RPTN: variants seen among roughly 807,000 people sequenced by gnomAD.
RPTN encodes repetin, also known as intermediate filament-associated protein.
A neutral mutation model predicts 3.6 loss-of-function variants in RPTN; 4 were observed. The observed-to-expected ratio is 1.12, with a 90% CI of 0.55 to 2.55. The LOEUF (loss-of-function observed/expected upper bound fraction) is 2.55, where lower values mean the gene tolerates loss of function less well. Ranked by LOEUF, RPTN falls within the 30% of genes most tolerant of loss-of-function variation. RPTN has a pLI of 0.02. For missense variants in RPTN, 860 were observed against 916.7 expected (o/e 0.94, Z 0.80); for synonymous variants, 293 against 319.3 (o/e 0.92, Z 0.88).
At position 152,155,181 on chromosome 1, in the gene RPTN, C is replaced by T. The variant is rs1659168845; in HGVS notation, c.1918G>A (p.Asp640Asn). 1 of 1,614,074 alleles carries T rather than the reference C, an allele frequency of 6.2e-7. No individual in the cohort carries two copies. The highest frequency in any genetic ancestry group is 1.7e-5 in the Admixed American group (1 of 60,008). ...QNQGQGFQSR[D>N]SQQNGHQVWE... ...ACCTGGTGGCCGTTCTGCTGTGAGT[C>T]CCTAGACTGGAATCCCTGTCCCTGG... is the stretch of plus-strand genomic sequence containing the variant. Residue 640 changes from aspartate (D) to asparagine (N), a missense_variant, in exon 3 of 3, where the codon GAC becomes AAC. Coordinates refer to ENST00000316073, the MANE Select transcript of RPTN (RefSeq NM_001122965.1).
chr1:152,158,162 GT>G (rs1215827915), intron 1 of RPTN, among the ~76,000 whole-genome samples: 2 of 152,160 alleles, frequency 1.3e-5, no homozygotes, highest in Non-Finnish European at 2.9e-5. Flanking sequence ...TGCATTGCAG[GT>G]GTTTTACATA....
Position 152,156,883 on chromosome 1 carries a change from A to G in RPTN, c.216T>C (p.His72=), listed in dbSNP as rs1409514697. ...DQDRDGHIDF[H]EYLLLVFQLV... is the part of the protein sequence containing the mutation. Reference sequence around the variant, plus strand: ...ACTGGAACACCAACAAGAGGTACTCATGAAAATCAATATGTCCATCTCGGT... The same window carrying G: ...ACTGGAACACCAACAAGAGGTACTCGTGAAAATCAATATGTCCATCTCGGT... The change falls in exon 3 of 3, where the codon CAT becomes CAC. Residue 72 remains histidine (H), a synonymous_variant. Coordinates refer to ENST00000316073, the MANE Select transcript of RPTN (RefSeq NM_001122965.1). The G allele has an allele frequency of 5.0e-6, 8 of 1,614,116 alleles. No individual in the cohort carries two copies. The highest frequency in any genetic ancestry group is 5.1e-6 in the Non-Finnish European group (6 of 1,180,046).
At chr1:152,158,345 C>A (rs913457283) in intron 1 of RPTN, among the ~76,000 whole-genome samples, 1 of 152,146 alleles carries the variant, frequency 6.6e-6, no homozygotes, top group Admixed American at 6.5e-5. Context: ...TCCCACTGAA[C>A]AGGTTTCAGT....
chr1:152,155,134 G>T lies in RPTN; in HGVS notation c.1965C>A (p.Ser655Arg). 6.2e-7 allele frequency: 1 copy of T among 1,614,154 alleles called. No individual in the cohort carries two copies. The highest frequency in any genetic ancestry group is 8.5e-7 in the Non-Finnish European group (1 of 1,180,050). Residue 655 changes from serine to arginine, a missense_variant, in exon 3 of 3, where the codon AGC becomes AGA. Transcript: ENST00000316073. ...GHQVWEPEED[S>R]QHHQHKLLAQ... Reference sequence around the variant, plus strand: ...CTAAGAGTTTGTGTTGGTGATGTTGGCTATCCTCTTCAGGCTCCCATACCT... The same window carrying T: ...CTAAGAGTTTGTGTTGGTGATGTTGTCTATCCTCTTCAGGCTCCCATACCT...
At chr1:152,157,558 G>GGTGTGTGTGTGTGTGTGTGT (rs58634415) in intron 2 of RPTN, among the ~76,000 whole-genome samples, 194 bp downstream of exon 2, 1 of 139,556 alleles carries the variant, frequency 7.2e-6, no homozygotes, top group African/African-American at 2.7e-5. Context: ...GATACAAGGA[G>GGTGTGTGTGTGTGTGTGTGT]GTGTGTGTGT....
chr1:152,157,983 C>T, intron 1 of RPTN, 74 bp from the exon 2 acceptor site: 1 of 1,274,200 alleles, frequency 7.8e-7, no homozygotes, highest in Non-Finnish European at 1.1e-6. Context: ...GGGAAAGTGA[C>T]CCCTCTGGAT....
rs1659172221 is a variant in RPTN, at chr1:152,155,305, G to A, written c.1794C>T (p.Phe598=). Reference sequence around the variant, plus strand: ...CTTTTCTTGTTCCTTCAGTCCCTTGGAAGTACTTATTTTGCCCTTGTATTT... The same window carrying A: ...CTTTTCTTGTTCCTTCAGTCCCTTGAAAGTACTTATTTTGCCCTTGTATTT... ...TGEIQGQNKY[F]QGTEGTRKAS... The change falls in exon 3 of 3, where the codon TTC becomes TTT. Residue 598 remains phenylalanine, a synonymous_variant. Coordinates refer to ENST00000316073, the MANE Select transcript of RPTN (RefSeq NM_001122965.1). 6.2e-7 allele frequency: 1 copy of A among 1,614,212 alleles called. No individual in the cohort carries two copies. The highest frequency in any genetic ancestry group is 8.5e-7 in the Non-Finnish European group (1 of 1,180,042).
In RPTN at chr1:152,154,550, G is replaced by T; in HGVS notation, c.*194C>A. ...ACTGCTCTGGGTTGGATAGAAGGAT[G>T]GTTCAGTGTGTCTTTTCTGTGAGCC... On this transcript the variant is annotated 3_prime_UTR_variant, in exon 3 of 3. Transcript: ENST00000316073. 1 of 789,228 alleles carries T rather than the reference G, an allele frequency of 1.3e-6. No individual in the cohort carries two copies. Among genetic ancestry groups the T allele is most frequent in the Non-Finnish European group, 2.0e-6 (1 of 493,002 alleles). 48.9% of individuals were successfully genotyped at this position (789,228 alleles called of 1,614,324 possible). A position where few individuals can be genotyped will look rare whatever the true frequency, so the allele number is the denominator to read the frequency against.
In RPTN at chr1:152,155,545, G is replaced by C; in HGVS notation, c.1554C>G (p.Gly518=). Residue 518 remains glycine (G), a synonymous_variant, in exon 3 of 3, where the codon GGC becomes GGG. Coordinates refer to ENST00000316073, the MANE Select transcript of RPTN (RefSeq NM_001122965.1). ...CTGGCTGACCATAGTGGAAACTCTG[G>C]CCTTGTCTGTCTGTCTGACCATAGT... The part of the protein sequence containing the change: ...SSHYGQTDRQ[G]QSFHYGQPDR... 1 of 1,611,736 alleles carries C rather than the reference G, an allele frequency of 6.2e-7. No homozygotes were observed. The highest frequency in any genetic ancestry group is 1.7e-4 in the Middle Eastern group (1 of 6,052).
rs12127925 is a variant in RPTN, at chr1:152,156,133, C to T, written c.966G>A (p.Thr322=). The T allele has an allele frequency of 3.2e-5, 50 of 1,581,202 alleles. No homozygotes were observed. Among genetic ancestry groups the T allele is most frequent in the East Asian group, 7.0e-5 (3 of 42,792 alleles). The stretch of plus-strand genomic sequence containing the variant: ...AGTGGGAACTCTGGCCTTGTCTGTC[C>T]GTCTGACTGTAGTGGGAACTCTGGC... ...RQGQSSHYSQ[T]DRQGQSSHYS... is the part of the protein sequence containing the mutation. The change falls in exon 3 of 3, where the codon ACG becomes ACA. Residue 322 remains threonine, a synonymous_variant. Transcript: ENST00000316073.
rs1483349999 is a variant in RPTN, at chr1:152,156,503, C to G, written c.596G>C (p.Arg199Thr). ...ACCAGAGCTGGAGTCTTGACTTTGT[C>G]TCTCTGACTGATCAAAGCTGAAATC... ...DKDFSFDQSE[R>T]QSQDSSSGKK... is the part of the protein sequence containing the mutation. Residue 199 changes from arginine (R) to threonine (T), a missense_variant, in exon 3 of 3, where the codon AGA (arginine) becomes ACA (threonine). Coordinates refer to ENST00000316073, the MANE Select transcript of RPTN (RefSeq NM_001122965.1). The G allele has an allele frequency of 1.2e-6, 2 of 1,613,976 alleles. No homozygotes were observed. The highest frequency in any genetic ancestry group is 3.3e-5 in the Admixed American group (2 of 59,864).
In RPTN at chr1:152,155,973, T is replaced by A. The variant is rs1047336143; in HGVS notation, c.1126A>T (p.Ser376Cys). ...HYSQPNRQGQ[S>C]SHYGQPDTQD... The stretch of plus-strand genomic sequence containing the variant: ...GTGTCTGGCTGACCATAGTGGGAAC[T>A]CTGACCTTGTCTGTTTGGTTGACTG... The change falls in exon 3 of 3, where the codon AGT (serine) becomes TGT (cysteine). Residue 376 changes from serine to cysteine, a missense_variant. Physicochemically the swap from Ser to Cys is moderately radical, Grantham distance 112. Coordinates refer to ENST00000316073, the MANE Select transcript of RPTN (RefSeq NM_001122965.1). The A allele has an allele frequency of 2.5e-6, 4 of 1,613,648 alleles. No homozygotes were observed. Among genetic ancestry groups the A allele is most frequent in the Middle Eastern group, 3.3e-4 (2 of 6,060 alleles).
Position 152,154,711 on chromosome 1 carries a change from A to C in RPTN, c.*33T>G. 1 of 1,607,786 alleles carries C rather than the reference A, an allele frequency of 6.2e-7. No individual in the cohort carries two copies. The highest frequency in any genetic ancestry group is 8.5e-7 in the Non-Finnish European group (1 of 1,176,542). ...AGTTTTGTCTATTATGTTGTTGCTG[A>C]TGGTTTTGATCCTCTTCATGAGTTT... On this transcript the variant is annotated 3_prime_UTR_variant, in exon 3 of 3. Transcript: ENST00000316073.
Position 152,154,532 on chromosome 1 carries a change from T to C in RPTN, c.*212A>G, listed in dbSNP as rs536688982. The C allele has an allele frequency of 1.4e-6, 1 of 718,482 alleles. No individual in the cohort carries two copies. The highest frequency in any genetic ancestry group is 1.9e-5 in the South Asian group (1 of 52,558). The allele number at this position is 718,482 out of a possible 1,614,324, so 44.5% of individuals were successfully genotyped here. On this transcript the variant is annotated 3_prime_UTR_variant, in exon 3 of 3. Transcript: ENST00000316073. The stretch of plus-strand genomic sequence containing the variant: ...TCTGGTTTGGGGCCTCCCACTGCTC[T>C]GGGTTGGATAGAAGGATGGTTCAGT...
At chr1:152,158,945 T>C (rs1659254836) in intron 1 of RPTN, among the ~76,000 whole-genome samples, 4 of 152,360 alleles carry the variant, frequency 2.6e-5, no homozygotes, top group Admixed American at 2.6e-4. Flanking sequence ...TCAATTGTTC[T>C]AGCCCTCAGT....
At position 152,156,325 on chromosome 1, in the gene RPTN, G is replaced by C; in HGVS notation, c.774C>G (p.His258Gln). The C allele has an allele frequency of 1.2e-6, 2 of 1,614,298 alleles. No individual in the cohort carries two copies. The highest frequency in any genetic ancestry group is 1.7e-6 in the Non-Finnish European group (2 of 1,180,050). Residue 258 changes from histidine to glutamine, a missense_variant, in exon 3 of 3, where the codon CAC becomes CAG. By Grantham distance (24) the His-to-Gln change is conservative. Transcript: ENST00000316073. The stretch of plus-strand genomic sequence containing the variant: ...ATTTCTGTTGATTTGTCTGGTTAAA[G>C]TGAGAGGCTTGTCCAAGTGTTTCAG... ...QQSETLGQAS[H>Q]FNQTNQQKSG...
intron 2 of RPTN, among the ~76,000 whole-genome samples, 190 bp downstream of exon 2, chr1:152,157,561 GT>G (rs1659229473): frequency 2.0e-5 from 2 of 102,120 alleles, no homozygotes; most frequent in African/African-American, 8.5e-5. Flanking sequence ...ACAAGGAGGT[GT>G]GTGTGTGTGT....
rs1444452297 is a variant in RPTN at position 152,154,669 on chromosome 1, CCT to C, written c.*73_*74del. ...ATTTTTGATTCTGAGATCCTTGATA[CCT>C]CTCTTTCTCCTCATAGTTTTGTCTA... On this transcript the variant is annotated 3_prime_UTR_variant, in exon 3 of 3. Coordinates refer to ENST00000316073, the MANE Select transcript of RPTN (RefSeq NM_001122965.1). 1.2e-5 allele frequency: 19 copies of C among 1,542,722 alleles called. No homozygotes were observed. The highest frequency in any genetic ancestry group is 1.6e-5 in the Non-Finnish European group (18 of 1,139,516).
chr1:152,156,526 A>G lies in RPTN; in HGVS notation c.573T>C (p.Asp191=). ...HHNQSERQDK[D]FSFDQSERQS... ...GTCTCTCTGACTGATCAAAGCTGAA[A>G]TCCTTGTCTTGTCTCTCAGACTGAT... The change falls in exon 3 of 3, where the codon GAT becomes GAC. Residue 191 remains aspartate, a synonymous_variant. Coordinates refer to ENST00000316073, the MANE Select transcript of RPTN (RefSeq NM_001122965.1). 1 of 1,614,168 alleles carries G rather than the reference A, an allele frequency of 6.2e-7. No individual in the cohort carries two copies. Among genetic ancestry groups the G allele is most frequent in the East Asian group, 2.2e-5 (1 of 44,882 alleles).
Sources: gnomAD v4.1 joint callset for allele counts (sites outside exome capture counted in the v4.1 genomes callset) on GRCh38, gnomAD v4.1.1 for gene constraint, MANE v1.5 for transcripts, NCBI Gene and HGNC (gene_info 2026-07-23, HGNC 2026-07-21) for gene names.